Variants in LIG1 observed in about 807,000 individuals in gnomAD.
LIG1 encodes ligase I, DNA, ATP-dependent.
Under a neutral mutation model 115.7 loss-of-function variants are expected in LIG1, and 70 were observed. The ratio of observed to expected loss-of-function variants is 0.60; its 90% CI spans 0.50 to 0.74. LIG1 has a LOEUF of 0.74. Ranked by LOEUF, LIG1 falls within the 30% of genes least tolerant of loss-of-function variation. The probability of loss-of-function intolerance (pLI) is 0.00; values close to 1 mark genes in which losing one functional copy is unlikely to be tolerated. For missense variants in LIG1, 1,115 were observed against 1,225.6 expected (o/e 0.91, Z 1.35); for synonymous variants, 487 against 495.3 (o/e 0.98, Z 0.22).
At chr19:48,159,222 C>T (rs2036031516) in intron 4 of LIG1, among the ~76,000 whole-genome samples, 1 of 152,158 alleles carries the variant, frequency 6.6e-6, no homozygotes, top group Non-Finnish European at 1.5e-5. Context: ...GGACTACAGG[C>T]CCGTGCCACC....
intron 9 of LIG1, among the ~76,000 whole-genome samples, chr19:48,144,333 G>C (rs1191845292): frequency 6.6e-6 from 1 of 152,178 alleles, no homozygotes; most frequent in Non-Finnish European, 1.5e-5. Flanking sequence ...ATTCCAGGCA[G>C]AGAGAATAGC....
intron 9 of LIG1, 113 bp downstream of exon 9, chr19:48,149,650 A>G: frequency 1.2e-6 from 1 of 810,582 alleles, no homozygotes; most frequent in East Asian, 2.6e-5. Context: ...CTTTATAGAA[A>G]AGGTTTGCCA....
At chr19:48,147,815 T>C (rs1334509553) in intron 9 of LIG1, among the ~76,000 whole-genome samples, 1 of 137,412 alleles carries the variant, frequency 7.3e-6, no homozygotes, top group East Asian at 2.6e-4. Context: ...GAGTCCATGA[T>C]TGACTAGTGA....
At position 48,137,766 on chromosome 19, in the gene LIG1, G is replaced by T. The variant is rs1275404561; in HGVS notation, c.1088-78C>A. Reference sequence around the variant, plus strand: ...GTCTCCCTTCTCTCGCGGCCTGGATGAATTTTCTCCAGCTGTGTGTGCTTG... The same window carrying T: ...GTCTCCCTTCTCTCGCGGCCTGGATTAATTTTCTCCAGCTGTGTGTGCTTG... On this transcript the variant is annotated intron_variant, in intron 12 of 27. Transcript: ENST00000263274. The surrounding 1 kb of genome is among the most constrained non-coding windows in gnomAD (Gnocchi z 4.3). 1.4e-5 allele frequency: 22 copies of T among 1,538,980 alleles called. No individual in the cohort carries two copies. The highest frequency in any genetic ancestry group is 1.9e-5 in the Non-Finnish European group (22 of 1,135,592).
At position 48,117,617 on chromosome 19, in the gene LIG1, G is replaced by A. The variant is rs779207607; in HGVS notation, c.2583+21C>T. The A allele has an allele frequency of 2.5e-6, 4 of 1,610,396 alleles. No homozygotes were observed. In the African/African-American group the frequency reaches 5.3e-5, roughly 22 times the overall value. On this transcript the variant is annotated intron_variant, in intron 26 of 27. Transcript: ENST00000263274. ...GCCCAGAATCCCACACAGGGCCACG[G>A]CCAGGTCCTCTGCCACTCACCAGGC...
At chr19:48,128,794 G>C (rs1428711805) in intron 19 of LIG1, among the ~76,000 whole-genome samples, 1 of 152,228 alleles carries the variant, frequency 6.6e-6, no homozygotes. Flanking sequence ...TCAGAGTCTA[G>C]CTCTGTCGCC....
At chr19:48,131,553 G>A (rs1351177593) in intron 18 of LIG1, among the ~76,000 whole-genome samples, 1 of 152,182 alleles carries the variant, frequency 6.6e-6, no homozygotes, top group Non-Finnish European at 1.5e-5. Flanking sequence ...CCACCTCCCG[G>A]GTTCAAGAGA....
Position 48,135,766 on chromosome 19 carries a change from G to A in LIG1, c.1437C>T (p.Ala479=). 1.2e-6 allele frequency: 2 copies of A among 1,613,818 alleles called. No individual in the cohort carries two copies. Among genetic ancestry groups the A allele is most frequent in the Non-Finnish European group, 8.5e-7 (1 of 1,179,720 alleles). The change falls in exon 16 of 28, where the codon GCC becomes GCT. Residue 479 remains alanine (A), a synonymous_variant. Transcript: ENST00000263274. ...LTPPGQEFPP[A]MVDAGKGKTA... Reference sequence around the variant, plus strand: ...TCTTGCCCTTCCCAGCATCCACCATGGCTGGTGGGAATTCTAAGAAAAGAC... The same window carrying A: ...TCTTGCCCTTCCCAGCATCCACCATAGCTGGTGGGAATTCTAAGAAAAGAC...
Position 48,132,975 on chromosome 19 carries a change from C to G in LIG1, c.1725+7G>C, listed in dbSNP as rs201530241. The G allele has an allele frequency of 1.7e-5, 27 of 1,595,100 alleles. No homozygotes were observed. Among genetic ancestry groups the G allele is most frequent in the Non-Finnish European group, 2.1e-5 (25 of 1,162,880 alleles). On this transcript the variant is annotated splice_region_variant and intron_variant, in intron 18 of 27. Transcript: ENST00000263274. ...TCTGTGGAAGGGACATGTCCCACTC[C>G]CCATACCTGTGCCCTCTGCCCGTCA...
intron 5 of LIG1, among the ~76,000 whole-genome samples, chr19:48,154,733 T>C (rs1340480473): frequency 3.3e-5 from 5 of 152,284 alleles, no homozygotes; most frequent in Non-Finnish European, 7.4e-5. Context: ...ATGTTGGCCA[T>C]TGCGCCACCT....
rs1366307452 is a variant in LIG1 at position 48,153,973 on chromosome 19, G to A, written c.371-6C>T. The A allele has an allele frequency of 6.2e-7, 1 of 1,613,358 alleles. No individual in the cohort carries two copies. Among genetic ancestry groups the A allele is most frequent in the Admixed American group, 1.7e-5 (1 of 60,008 alleles). ...TTTCGGGAGCTGCTTCCGAGCTGGG[G>A]AGGCAAAGGGCTTGGTGTATCTGAC... is the stretch of plus-strand genomic sequence containing the variant. On this transcript the variant is annotated splice_region_variant and splice_polypyrimidine_tract_variant and intron_variant, in intron 5 of 27. Transcript: ENST00000263274.
chr19:48,147,722 G>C (rs1043786860), intron 9 of LIG1, among the ~76,000 whole-genome samples: 1 of 151,844 alleles, frequency 6.6e-6, no homozygotes, highest in African/African-American at 2.4e-5. Flanking sequence ...TGTCTGATTT[G>C]TTTCCTACCA....
chr19:48,141,852 T>TG lies in LIG1; in HGVS notation c.914+1690dup, dbSNP rs2122701192. Among the ~76,000 whole-genome samples the TG allele has an allele frequency of 2.0e-5, 3 of 152,262 alleles. No homozygotes were observed. The South Asian group carries it at 6.2e-4, about 32-fold the overall frequency. On this transcript the variant is annotated intron_variant, in intron 11 of 27. Transcript: ENST00000263274. Reference sequence around the variant, plus strand: ...GTAGGCAAAAGCCACCATTGGATGGTGCAGTGGATGGAACAGCCCCCCCAA... The same window carrying TG: ...GTAGGCAAAAGCCACCATTGGATGGTGGCAGTGGATGGAACAGCCCCCCCAA...
chr19:48,144,487 G>C (rs1032997321), intron 9 of LIG1, among the ~76,000 whole-genome samples: 9 of 152,154 alleles, frequency 5.9e-5, no homozygotes, highest in African/African-American at 2.2e-4. Flanking sequence ...TTAACAATCA[G>C]ACATGGGAGG....
In LIG1 at chr19:48,137,550, CG is replaced by C; in HGVS notation, c.1225del (p.Arg409AlafsTer16). ...LTASGVFSKF[R>X]DIARLTGSAS... ...ACTGCCAGTGAGCCTGGCGATGTCG[CG>C]GAACTTGCTGAAGACCCCGGAGGCA... On this transcript the variant is annotated frameshift_variant, in exon 13 of 28. Transcript: ENST00000263274. LOFTEE classifies it high-confidence loss of function. The surrounding 1 kb of genome is among the most constrained non-coding windows in gnomAD (Gnocchi z 4.3). 6.2e-7 allele frequency: 1 copy of C among 1,613,336 alleles called. No homozygotes were observed. Among genetic ancestry groups the C allele is most frequent in the East Asian group, 2.2e-5 (1 of 44,880 alleles).
chr19:48,125,684 C>T (rs180756209), intron 21 of LIG1, among the ~76,000 whole-genome samples: 10 of 152,310 alleles, frequency 6.6e-5, no homozygotes, highest in African/African-American at 2.4e-4. Flanking sequence ...CGTGGTTCAT[C>T]TACCAGATGA....
intron 11 of LIG1, 55 bp from the exon 12 acceptor site, chr19:48,140,198 G>T: frequency 2.0e-5 from 28 of 1,367,408 alleles, no homozygotes; most frequent in Non-Finnish European, 2.6e-5. Flanking sequence ...AAAGTGTGGT[G>T]TCGGGGTGGG....
chr19:48,127,316 C>T lies in LIG1; in HGVS notation c.1965G>A (p.Val655=), dbSNP rs1272645383. 2.5e-6 allele frequency: 4 copies of T among 1,613,884 alleles called. No homozygotes were observed. The highest frequency in any genetic ancestry group is 1.7e-5 in the Admixed American group (1 of 60,028). ...EVDASEIQVQ[V]CLYAFDLIYL... is the part of the protein sequence containing the mutation. ...AGATGAGGTCGAAGGCGTACAAACA[C>T]ACCTGCACCTGGATCTCAGACGCAT... Residue 655 remains valine (V), a synonymous_variant, in exon 21 of 28, where the codon GTG becomes GTA. Coordinates refer to ENST00000263274, the MANE Select transcript of LIG1 (RefSeq NM_000234.3).
At chr19:48,126,706 TA>T (rs1357255615) in intron 21 of LIG1, among the ~76,000 whole-genome samples, 2 of 151,546 alleles carry the variant, frequency 1.3e-5, no homozygotes, top group African/African-American at 4.8e-5. Flanking sequence ...AATGAGAAAT[TA>T]AAAAAATAAA....
Sources: gnomAD v4.1 joint callset for allele counts (sites outside exome capture counted in the v4.1 genomes callset) on GRCh38, gnomAD v4.1.1 for gene constraint, Gnocchi (gnomAD v3.1) non-coding constraint, MANE v1.5 for transcripts, NCBI Gene and HGNC (gene_info 2026-07-23, HGNC 2026-07-21) for gene names.